Variants in PRMT8 observed in about 807,000 individuals in gnomAD.
PRMT8 encodes protein arginine methyltransferase 8, also known as protein arginine N-methyltransferase 8.
In PRMT8, 7 loss-of-function variants were observed where a neutral mutation model predicts 47.1. The observed-to-expected ratio is 0.15, with a 90% CI of 0.08 to 0.28. The LOEUF is 0.28. Among genes scored for constraint, PRMT8 ranks in the 10% least tolerant of loss-of-function variants. The pLI is 1.00. For missense variants in PRMT8, 237 were observed against 505.4 expected (o/e 0.47, Z 5.09); for synonymous variants, 188 against 186.5 (o/e 1.01, Z -0.07).
At chr12:3,541,405 A>G (rs1464189350) in intron 2 of PRMT8, among the ~76,000 whole-genome samples, 1 of 152,192 alleles carries the variant, frequency 6.6e-6, no homozygotes, top group Non-Finnish European at 1.5e-5. Context: ...TGGGGGCCTA[A>G]TGGTGCCCCT....
intron 1 of PRMT8, among the ~76,000 whole-genome samples, chr12:3,475,817 G>A (rs897242035): frequency 7.2e-5 from 11 of 152,204 alleles, no homozygotes; most frequent in Non-Finnish European, 1.6e-4. Flanking sequence ...GCGGCCTGGT[G>A]TCCCAGAACA....
chr12:3,579,910 A>G (rs952869635), intron 7 of PRMT8, among the ~76,000 whole-genome samples: 1 of 152,112 alleles, frequency 6.6e-6, no homozygotes, highest in Non-Finnish European at 1.5e-5. Context: ...AGGCCAAGTC[A>G]GTGGGTCTCC....
chr12:3,559,171 C>T (rs1282327342), intron 4 of PRMT8, among the ~76,000 whole-genome samples: 3 of 152,152 alleles, frequency 2.0e-5, no homozygotes, highest in African/African-American at 7.2e-5. Context: ...CTTCGATACT[C>T]AAATTGTCCC....
At chr12:3,563,464 G>C (rs1333797895) in intron 4 of PRMT8, among the ~76,000 whole-genome samples, 1 of 151,968 alleles carries the variant, frequency 6.6e-6, no homozygotes, top group African/African-American at 2.4e-5. Flanking sequence ...CAGCAATAGG[G>C]TCAGTTTGCT....
rs775092820 is a variant in PRMT8 at position 3,572,467 on chromosome 12, A to T, written c.712+2903A>T. The stretch of plus-strand genomic sequence containing the variant: ...CTACACCCTGCTGAGAATGAGAGAG[A>T]TGGGCACCAGTTTCTTGGCTGATGA... On this transcript the variant is annotated intron_variant, in intron 6 of 9. Transcript: ENST00000382622. The surrounding 1 kb of genome is among the most constrained non-coding windows in gnomAD (Gnocchi z 5.9). 9.9e-5 allele frequency among the ~76,000 whole-genome samples: 15 copies of T among 152,154 alleles called. No homozygotes were observed. The highest frequency in any genetic ancestry group is 2.2e-4 in the Non-Finnish European group (15 of 68,014).
chr12:3,439,857 G>A (rs1041050303), intron 1 of PRMT8, among the ~76,000 whole-genome samples: 3 of 152,144 alleles, frequency 2.0e-5, no homozygotes, highest in African/African-American at 7.2e-5. Context: ...AATTTTGGAG[G>A]ATTTATTGTT....
chr12:3,561,106 G>A (rs913238819), intron 4 of PRMT8, among the ~76,000 whole-genome samples: 6 of 152,190 alleles, frequency 3.9e-5, no homozygotes, highest in Non-Finnish European at 8.8e-5. Flanking sequence ...GATTCCACAA[G>A]TGCTACACAT....
intron 2 of PRMT8, among the ~76,000 whole-genome samples, chr12:3,549,467 T>C (rs897492141): frequency 2.0e-5 from 3 of 151,118 alleles, no homozygotes; most frequent in Admixed American, 1.3e-4. Flanking sequence ...GCAAAGCCAA[T>C]ATGCTGGACA....
chr12:3,410,644 G>A (rs1864418612), intron 1 of PRMT8, among the ~76,000 whole-genome samples: 1 of 152,186 alleles, frequency 6.6e-6, no homozygotes, highest in Non-Finnish European at 1.5e-5. Flanking sequence ...ACACAGCTGG[G>A]ACTACAGGCA....
At chr12:3,414,720 A>T (rs1864467251) in intron 1 of PRMT8, among the ~76,000 whole-genome samples, 1 of 152,034 alleles carries the variant, frequency 6.6e-6, no homozygotes. Context: ...TCTTGGTGGG[A>T]TGGGGAGTTG....
chr12:3,522,181 G>A (rs1388863386), intron 1 of PRMT8, among the ~76,000 whole-genome samples: 2 of 152,034 alleles, frequency 1.3e-5, no homozygotes, highest in African/African-American at 4.8e-5. Context: ...ATGGACTCCC[G>A]TATTTAGGTA....
At chr12:3,460,300 C>A (rs1201490163) in intron 1 of PRMT8, among the ~76,000 whole-genome samples, 1 of 152,190 alleles carries the variant, frequency 6.6e-6, no homozygotes, top group African/African-American at 2.4e-5. Context: ...ACATGGTTGT[C>A]TTCTTTTAAA....
In PRMT8 at chr12:3,496,914, ATTTTTTT is replaced by A. The variant is rs34785835; in HGVS notation, c.75+5227_75+5233del. On this transcript the variant is annotated intron_variant, in intron 1 of 9. Transcript: ENST00000382622. ...CTCAGGAGAATTAAGAAGATACCCAATTTTTTTTTTTTTTTTTTTGCCTGGCTAATTT... is the reference window on the plus strand; with the variant it reads ...CTCAGGAGAATTAAGAAGATACCCAATTTTTTTTTTTTGCCTGGCTAATTT... Among the ~76,000 whole-genome samples, 25 of 129,462 alleles carry A rather than the reference ATTTTTTT, an allele frequency of 1.9e-4. No homozygotes were observed. In the East Asian group the frequency reaches 2.0e-3, roughly 10 times the overall value. 84.9% of individuals were successfully genotyped at this position (129,462 alleles called of 152,430 possible).
intron 1 of PRMT8, among the ~76,000 whole-genome samples, chr12:3,427,653 C>T (rs2137065600): frequency 6.6e-6 from 1 of 151,754 alleles, no homozygotes; most frequent in South Asian, 2.1e-4. Flanking sequence ...AATTATATAA[C>T]ATTTCTTGCA....
chr12:3,559,665 T>C (rs1866596965), intron 4 of PRMT8, among the ~76,000 whole-genome samples: 1 of 152,202 alleles, frequency 6.6e-6, no homozygotes, highest in Non-Finnish European at 1.5e-5. Context: ...ATAATATGTT[T>C]ACATACCCCT....
intron 1 of PRMT8, among the ~76,000 whole-genome samples, chr12:3,463,793 A>G (rs1865063217): frequency 6.6e-6 from 1 of 152,206 alleles, no homozygotes; most frequent in African/African-American, 2.4e-5. Flanking sequence ...GAGAATAACC[A>G]GGACAAAGAT....
rs187028227 is a variant in PRMT8, at chr12:3,438,153, G to A, written c.48+56711G>A. Among the ~76,000 whole-genome samples, 31 of 152,258 alleles carry A rather than the reference G, an allele frequency of 2.0e-4. 1 individual carries two copies. The East Asian group carries it at 4.8e-3, about 24-fold the overall frequency. On this transcript the variant is annotated intron_variant, in intron 1 of 9. Transcript: ENST00000452611. ...TGCTTCTGCTCTGTGAGCTGCCAGC[G>A]CACCTGTGAGGCATCTGGCTTATCC...
upstream of PRMT8, among the ~76,000 whole-genome samples, chr12:3,490,546 T>TGG (rs368631937): frequency 0.028 from 1,453 of 52,704 alleles, 16 homozygotes; most frequent in Non-Finnish European, 0.039. Flanking sequence ...AAGACTGGAG[T>TGG]GGGGGGGGGG....
intron 1 of PRMT8, among the ~76,000 whole-genome samples, chr12:3,455,905 G>A (rs1233638038): frequency 3.3e-5 from 5 of 152,166 alleles, no homozygotes; most frequent in South Asian, 2.1e-4. Context: ...ACAGGGCCGC[G>A]TGATGCCGTG....
Sources: gnomAD v4.1 joint callset for allele counts (sites outside exome capture counted in the v4.1 genomes callset) on GRCh38, gnomAD v4.1.1 for gene constraint, Gnocchi (gnomAD v3.1) non-coding constraint, MANE v1.5 for transcripts, NCBI Gene and HGNC (gene_info 2026-07-23, HGNC 2026-07-21) for gene names.